NRG1: variants seen among roughly 807,000 people sequenced by gnomAD.
NRG1 encodes pro-neuregulin-1, membrane-bound isoform.
Under a neutral mutation model 63.8 loss-of-function variants are expected in NRG1, and 18 were observed. That is an observed-to-expected ratio of 0.28 (90% confidence interval 0.19 to 0.42). The LOEUF (loss-of-function observed/expected upper bound fraction) is 0.42. Ranked by LOEUF, NRG1 falls within the 10% of genes least tolerant of loss-of-function variation. NRG1 has a pLI of 1.00. For synonymous variants in NRG1, 302 were observed against 301.3 expected (o/e 1.00, Z -0.02); for missense variants, 762 against 814.7 (o/e 0.94, Z 0.79).
At chr8:32,672,939 A>G (rs187014944) in intron 5 of NRG1, among the ~76,000 whole-genome samples, 2 of 152,206 alleles carry the variant, frequency 1.3e-5, no homozygotes, top group Admixed American at 6.5e-5. Flanking sequence ...ATTTTTTATA[A>G]GCCACAAACA....
chr8:32,173,436 C>G (rs369640901), intron 1 of NRG1, among the ~76,000 whole-genome samples: 150 of 152,258 alleles, frequency 9.9e-4, no homozygotes, highest in African/African-American at 3.5e-3. Flanking sequence ...CATCCACTAA[C>G]GAGCAAAATA....
At chr8:32,016,645 G>A (rs1360567819) in intron 1 of NRG1, among the ~76,000 whole-genome samples, 1 of 152,020 alleles carries the variant, frequency 6.6e-6, no homozygotes, top group African/African-American at 2.4e-5. Context: ...AAAAATTTGA[G>A]AATTTATCTT....
intron 1 of NRG1, among the ~76,000 whole-genome samples, chr8:31,817,445 T>G (rs1317442483): frequency 6.6e-6 from 1 of 152,226 alleles, no homozygotes; most frequent in Non-Finnish European, 1.5e-5. Flanking sequence ...TTGAACCCAT[T>G]TGTGGGGTCA....
intron 1 of NRG1, among the ~76,000 whole-genome samples, chr8:32,129,412 A>G (rs933575545): frequency 5.9e-5 from 9 of 151,880 alleles, no homozygotes; most frequent in African/African-American, 1.7e-4. Flanking sequence ...GCTTGCTGCT[A>G]CATCACTCTA....
At chr8:32,539,239 T>TA (rs1442225584) in intron 1 of NRG1, among the ~76,000 whole-genome samples, 1 of 152,178 alleles carries the variant, frequency 6.6e-6, no homozygotes, top group Admixed American at 6.5e-5. Context: ...ATAGAGACGT[T>TA]ACACGAAGGA....
chr8:31,831,153 G>A (rs1050866375), intron 1 of NRG1, among the ~76,000 whole-genome samples: 3 of 151,640 alleles, frequency 2.0e-5, no homozygotes, highest in Admixed American at 6.6e-5. Context: ...CCAGGCTGGA[G>A]TGCAGTGGCA....
At chr8:32,511,163 G>A (rs1829148211) in intron 1 of NRG1, among the ~76,000 whole-genome samples, 1 of 150,218 alleles carries the variant, frequency 6.7e-6, no homozygotes, top group African/African-American at 2.4e-5. Flanking sequence ...AGATGAAATG[G>A]GAACTGTTCC....
At chr8:32,492,140 A>G (rs1332296645) in intron 1 of NRG1, among the ~76,000 whole-genome samples, 1 of 151,740 alleles carries the variant, frequency 6.6e-6, no homozygotes, top group Non-Finnish European at 1.5e-5. Context: ...AAAAAAAAAC[A>G]TTTTTTTCCC....
At chr8:32,378,982 G>A (rs4733322) in intron 1 of NRG1, among the ~76,000 whole-genome samples, 125,539 of 152,020 alleles carry the variant, frequency 0.83, 52,402 homozygotes, top group Non-Finnish European at 0.87. Flanking sequence ...GTATTCCATG[G>A]TGTATATGTG....
At chr8:31,720,776 T>A (rs1812834344) in intron 1 of NRG1, among the ~76,000 whole-genome samples, 1 of 152,216 alleles carries the variant, frequency 6.6e-6, no homozygotes, top group South Asian at 2.1e-4. Flanking sequence ...GATGTTAAGA[T>A]GACAGCTGAG....
At chr8:32,506,842 C>T (rs539423442) in intron 1 of NRG1, among the ~76,000 whole-genome samples, 45 of 151,956 alleles carry the variant, frequency 3.0e-4, no homozygotes, top group South Asian at 1.0e-3. Context: ...ATTGCACCAC[C>T]GCACTCTAGC....
intron 1 of NRG1, among the ~76,000 whole-genome samples, chr8:31,744,222 T>C (rs1228333967): frequency 6.6e-6 from 1 of 151,948 alleles, no homozygotes; most frequent in Admixed American, 6.6e-5. Flanking sequence ...CTACTTGTCC[T>C]GACCCTGTTC....
intron 1 of NRG1, among the ~76,000 whole-genome samples, chr8:32,441,652 A>T (rs547232679): frequency 4.6e-5 from 7 of 152,240 alleles, no homozygotes; most frequent in African/African-American, 7.2e-5. Context: ...AAATTAAAAA[A>T]TATCTAGACA....
rs376090824 is a variant in NRG1 at position 32,704,957 on chromosome 8, G to A, written c.503-22992G>A. On this transcript the variant is annotated intron_variant, in intron 5 of 11. Transcript: ENST00000356819. ...TGTGATCATTGACGTGCTTTTTATGGCATCTGAAAATATTAGTTTGACTTT... is the reference window on the plus strand; with the variant it reads ...TGTGATCATTGACGTGCTTTTTATGACATCTGAAAATATTAGTTTGACTTT... Among the ~76,000 whole-genome samples the A allele has an allele frequency of 1.6e-4, 24 of 152,122 alleles. No homozygotes were observed. In the South Asian group the frequency reaches 1.7e-3, roughly 11 times the overall value.
At chr8:32,731,195 T>G (rs528597963) in intron 6 of NRG1, among the ~76,000 whole-genome samples, 28 of 152,226 alleles carry the variant, frequency 1.8e-4, no homozygotes, top group Non-Finnish European at 3.2e-4. Context: ...GTTTTTTCAT[T>G]TTAATATTGT....
chr8:32,604,167 G>A (rs1844854983), intron 2 of NRG1, among the ~76,000 whole-genome samples: 2 of 152,150 alleles, frequency 1.3e-5, no homozygotes, highest in South Asian at 4.1e-4. Flanking sequence ...GAGGGGCTTG[G>A]TGAAGCAGTT....
intron 5 of NRG1, among the ~76,000 whole-genome samples, chr8:32,709,797 T>C (rs1817364451): frequency 6.6e-6 from 1 of 152,054 alleles, no homozygotes; most frequent in South Asian, 2.1e-4. Flanking sequence ...TTTAAATGAG[T>C]GAAGATAAGG....
intron 1 of NRG1, among the ~76,000 whole-genome samples, chr8:31,903,384 C>T (rs1414494745): frequency 1.3e-5 from 2 of 151,688 alleles, no homozygotes; most frequent in African/African-American, 4.8e-5. Context: ...CTCCTGACCT[C>T]GTGATCCTCC....
chr8:32,684,094 AG>A (rs1809433155), intron 5 of NRG1, among the ~76,000 whole-genome samples: 1 of 152,130 alleles, frequency 6.6e-6, no homozygotes. Context: ...CTACTCCGGG[AG>A]GCGGAGGTTG....
Sources: allele counts gnomAD v4.1 joint callset (sites outside exome capture counted in the v4.1 genomes callset), GRCh38; gene constraint gnomAD v4.1.1; transcripts MANE v1.5; gene names NCBI Gene and HGNC (gene_info 2026-07-23, HGNC 2026-07-21).